Variants in P3H3 observed in about 807,000 individuals in gnomAD.
P3H3 encodes the protein prolyl 3-hydroxylase 3.
In P3H3, 64 loss-of-function variants were observed where a neutral mutation model predicts 78.1. The observed-to-expected ratio is 0.82, with a 90% CI of 0.67 to 1.01. The LOEUF (loss-of-function observed/expected upper bound fraction) is 1.01, where lower values mean the gene tolerates loss of function less well. Ranked by LOEUF, P3H3 falls within the 50% of genes least tolerant of loss-of-function variation. P3H3 has a pLI of 0.00. For synonymous variants in P3H3, 425 were observed against 416.7 expected (o/e 1.02, Z -0.24); for missense variants, 975 against 982.2 (o/e 0.99, Z 0.10).
At chr12:6,833,564 G>A (rs782240438) in intron 6 of P3H3, 28 bp from the exon 7 acceptor site, 1 of 1,611,070 alleles carries the variant, frequency 6.2e-7, no homozygotes, top group East Asian at 2.2e-5. Flanking sequence ...ACCTTGGTGG[G>A]TGATGATGCT....
At chr12:6,834,157 C>G in intron 9 of P3H3, 108 bp downstream of exon 9, 1 of 1,515,984 alleles carries the variant, frequency 6.6e-7, no homozygotes, top group Non-Finnish European at 8.9e-7. Context: ...GATTATCCAA[C>G]CGGGACTGTG....
chr12:6,830,781 GAAGGGTGGAA>G lies in P3H3; in HGVS notation c.985+13_985+22del. ...AGGCCCATGCTCAGGGTCAGTTGGG[GAAGGGTGGAA>G]ACGGGGAGTGAAGATTTGCCTCTGC... is the stretch of plus-strand genomic sequence containing the variant. On this transcript the variant is annotated intron_variant, in intron 4 of 14. Transcript: ENST00000290510. 1 of 1,613,496 alleles carries G rather than the reference GAAGGGTGGAA, an allele frequency of 6.2e-7. No individual in the cohort carries two copies. Among genetic ancestry groups the G allele is most frequent in the Non-Finnish European group, 8.5e-7 (1 of 1,179,396 alleles).
At position 6,828,647 on chromosome 12, in the gene P3H3, G is replaced by A; in HGVS notation, c.207G>A (p.Ala69=). The change falls in exon 1 of 15, where the codon GCG becomes GCA. Residue 69 remains alanine, a synonymous_variant. Transcript: ENST00000290510. The stretch of plus-strand genomic sequence containing the variant: ...GGGAGGCGCTGCGGAGCCAGGCGGC[G>A]CTGGGCCGGGTGCGGCTGGATTGCG... ...LLREALRSQA[A]LGRVRLDCGA... The A allele has an allele frequency of 8.2e-7, 1 of 1,224,584 alleles. No individual in the cohort carries two copies. The highest frequency in any genetic ancestry group is 1.0e-6 in the Non-Finnish European group (1 of 983,376). The allele number at this position is 1,224,584 out of a possible 1,614,324, so 75.9% of individuals were successfully genotyped here.
chr12:6,836,934 G>C, intron 9 of P3H3, 51 bp from the exon 10 acceptor site: 1 of 1,387,936 alleles, frequency 7.2e-7, no homozygotes, highest in African/African-American at 1.4e-5. Context: ...CAGCCCTGCA[G>C]ACAGTGAGGG....
At chr12:6,835,688 G>A (rs1315250286) in intron 9 of P3H3, among the ~76,000 whole-genome samples, 1 of 152,022 alleles carries the variant, frequency 6.6e-6, no homozygotes, top group Non-Finnish European at 1.5e-5. Context: ...AGGGAAAGAG[G>A]GAGAGAGCCC....
intron 11 of P3H3, 66 bp from the exon 12 acceptor site, chr12:6,837,666 T>A (rs1457649907): frequency 6.3e-7 from 1 of 1,583,356 alleles, no homozygotes; most frequent in Non-Finnish European, 8.6e-7. Flanking sequence ...GTGCACGGCC[T>A]GAGCCCACAG....
rs1943422770 is a variant in P3H3, at chr12:6,829,425, AGCC to A, written c.499-429_499-427del. 4.2e-6 allele frequency: 1 copy of A among 237,810 alleles called. No homozygotes were observed. The highest frequency in any genetic ancestry group is 2.3e-5 in the African/African-American group (1 of 42,632). 14.7% of individuals were successfully genotyped at this position (237,810 alleles called of 1,614,324 possible). A position where few individuals can be genotyped will look rare whatever the true frequency, so the allele number is the denominator to read the frequency against. On this transcript the variant is annotated intron_variant, in intron 1 of 14. Transcript: ENST00000290510. The surrounding 1 kb of genome is among the most constrained non-coding windows in gnomAD (Gnocchi z 5.1). Reference sequence around the variant, plus strand: ...GGGCGGGGAGGGGACAGCACGCCGCAGCCGCCGGTACCGCAGCAGTTGCCTACG... The same window carrying A: ...GGGCGGGGAGGGGACAGCACGCCGCAGCCGGTACCGCAGCAGTTGCCTACG...
In P3H3 at chr12:6,828,743, CG is replaced by C; in HGVS notation, c.306del (p.Pro103ArgfsTer23). 1 of 1,245,018 alleles carries C rather than the reference CG, an allele frequency of 8.0e-7. No individual in the cohort carries two copies. Among genetic ancestry groups the C allele is most frequent in the South Asian group, 3.4e-5 (1 of 29,660 alleles). 77.1% of individuals were successfully genotyped at this position (1,245,018 alleles called of 1,614,324 possible). On this transcript the variant is annotated frameshift_variant, in exon 1 of 15. Coordinates refer to ENST00000290510, the MANE Select transcript of P3H3 (RefSeq NM_014262.5). LOFTEE classifies it high-confidence loss of function. The part of the protein sequence containing the change: ...VLLGAPEPDS[G>X]PGPTQGSWER... ...TTCTCGGGGCCCCGGAGCCCGACTC[CG>C]GGCCGGGACCCACGCAGGGGTCCTG... is the stretch of plus-strand genomic sequence containing the variant.
Position 6,829,227 on chromosome 12 carries a change from A to C in P3H3, c.498+289A>C. 2.9e-6 allele frequency: 1 copy of C among 349,022 alleles called. No individual in the cohort carries two copies. The highest frequency in any genetic ancestry group is 5.1e-6 in the Non-Finnish European group (1 of 194,594). The allele number at this position is 349,022 out of a possible 1,614,324, so 21.6% of individuals were successfully genotyped here. On this transcript the variant is annotated intron_variant, in intron 1 of 14. Transcript: ENST00000290510. This position sits in a 1 kb window ranked among gnomAD's most constrained non-coding sequence, Gnocchi z 5.1. ...GGGACAGGGCCGCCTCTTCCTAGGA[A>C]TGAAGCGGAGGCGGTGGGGGCGAAA...
intron 2 of P3H3, 131 bp from the exon 3 acceptor site, chr12:6,830,222 C>A (rs1424814414): frequency 1.9e-6 from 2 of 1,049,226 alleles, no homozygotes; most frequent in Non-Finnish European, 2.8e-6. Context: ...TGAGGCCCAC[C>A]CTTATTCTTC....
rs781890128 is a variant in P3H3, at chr12:6,829,266, G to A, written c.498+328G>A. The A allele has an allele frequency of 4.0e-5, 12 of 302,628 alleles. No homozygotes were observed. The highest frequency in any genetic ancestry group is 7.3e-5 in the Non-Finnish European group (12 of 164,556). The allele number at this position is 302,628 out of a possible 1,614,324, so 18.7% of individuals were successfully genotyped here. A position where few individuals can be genotyped will look rare whatever the true frequency, so the allele number is the denominator to read the frequency against. On this transcript the variant is annotated intron_variant, in intron 1 of 14. Coordinates refer to ENST00000290510, the MANE Select transcript of P3H3 (RefSeq NM_014262.5). This position sits in a 1 kb window ranked among gnomAD's most constrained non-coding sequence, Gnocchi z 5.1. The stretch of plus-strand genomic sequence containing the variant: ...GTGGGGGCGAAACCGGCTCTCGGAC[G>A]GGAAGTGTGCGTGGGTGTGTGTGTG...
rs1555121709 is a variant in P3H3 at position 6,833,620 on chromosome 12, C to A, written c.1241C>A (p.Pro414His). 1 of 1,613,832 alleles carries A rather than the reference C, an allele frequency of 6.2e-7. No individual in the cohort carries two copies. The highest frequency in any genetic ancestry group is 1.3e-5 in the African/African-American group (1 of 74,932). The part of the protein sequence containing the change: ...PDPWTPAALI[P>H]EALREKLRED... The stretch of plus-strand genomic sequence containing the variant: ...CCCTGGACCCCTGCAGCTCTCATCC[C>A]TGAGGCACTTAGAGAAAAGCTCAGG... Residue 414 changes from proline to histidine, a missense_variant, in exon 7 of 15, where the codon CCT becomes CAT. Coordinates refer to ENST00000290510, the MANE Select transcript of P3H3 (RefSeq NM_014262.5).
chr12:6,831,959 G>C lies in P3H3; in HGVS notation c.1212+45G>C, dbSNP rs1555121529. On this transcript the variant is annotated intron_variant, in intron 6 of 14. Coordinates refer to ENST00000290510, the MANE Select transcript of P3H3 (RefSeq NM_014262.5). This position sits in a 1 kb window ranked among gnomAD's most constrained non-coding sequence, Gnocchi z 4.6. ...CCCATCTCACCCCTCCGCACTCCCA[G>C]GAGGGATGGCACTTTGGTTTGCAAC... is the stretch of plus-strand genomic sequence containing the variant. 3 of 1,116,784 alleles carry C rather than the reference G, an allele frequency of 2.7e-6. No homozygotes were observed. In the South Asian group the frequency reaches 4.0e-5, roughly 15 times the overall value. 69.2% of individuals were successfully genotyped at this position (1,116,784 alleles called of 1,614,324 possible).
chr12:6,837,507 T>A lies in P3H3; in HGVS notation c.1645T>A (p.Tyr549Asn). Residue 549 changes from tyrosine (Y) to asparagine (N), a missense_variant, in exon 11 of 15, where the codon TAC (tyrosine) becomes AAC (asparagine). Coordinates refer to ENST00000290510, the MANE Select transcript of P3H3 (RefSeq NM_014262.5). ...SERVRTLTQA[Y>N]FSPERPLHLS... ...GCGGGTGCGGACCTTGACCCAGGCC[T>A]ACTTCTCCCCGGAACGGCCCCTGCA... 1 of 1,611,972 alleles carries A rather than the reference T, an allele frequency of 6.2e-7. No homozygotes were observed. Among genetic ancestry groups the A allele is most frequent in the Non-Finnish European group, 8.5e-7 (1 of 1,179,120 alleles).
In P3H3 at chr12:6,830,307, G is replaced by T; in HGVS notation, c.652-46G>T. On this transcript the variant is annotated intron_variant, in intron 2 of 14. Transcript: ENST00000290510. ...CCCTCTCCTCTCTACCTCCCAGTTT[G>T]GCAACCCCTGGATCTTAGGTGACTG... is the stretch of plus-strand genomic sequence containing the variant. 3 of 1,541,552 alleles carry T rather than the reference G, an allele frequency of 1.9e-6. No individual in the cohort carries two copies. The South Asian group carries it at 3.6e-5, about 18-fold the overall frequency.
At chr12:6,833,386 A>G in intron 6 of P3H3, 1 of 591,304 alleles carries the variant, frequency 1.7e-6, no homozygotes, top group Non-Finnish European at 3.0e-6. Context: ...CCCCTAGCAG[A>G]TAGTAAGTGC....
In P3H3 at chr12:6,828,608, C is replaced by A; in HGVS notation, c.168C>A (p.Ala56=). The A allele has an allele frequency of 8.2e-7, 1 of 1,218,762 alleles. No individual in the cohort carries two copies. Among genetic ancestry groups the A allele is most frequent in the Non-Finnish European group, 1.0e-6 (1 of 979,828 alleles). 75.5% of individuals were successfully genotyped at this position (1,218,762 alleles called of 1,614,324 possible). ...ACGCGGCCGGGGCTTGGGCGCCGGC[C>A]GTGGCGCTGCTGCGGGAGGCGCTGC... ...RAYAAGAWAP[A]VALLREALRS... is the part of the protein sequence containing the mutation. The change falls in exon 1 of 15, where the codon GCC becomes GCA. Residue 56 remains alanine (A), a synonymous_variant. Coordinates refer to ENST00000290510, the MANE Select transcript of P3H3 (RefSeq NM_014262.5).
In P3H3 at chr12:6,838,047, G is replaced by C. The variant is rs782107693; in HGVS notation, c.1905+14G>C. 6.3e-7 allele frequency: 1 copy of C among 1,589,836 alleles called. No homozygotes were observed. Among genetic ancestry groups the C allele is most frequent in the Non-Finnish European group, 8.6e-7 (1 of 1,167,540 alleles). On this transcript the variant is annotated intron_variant, in intron 13 of 14. Coordinates refer to ENST00000290510, the MANE Select transcript of P3H3 (RefSeq NM_014262.5). ...CTCACTGTCACGGTGCGTGGAGTGG[G>C]GGGTGTGACGGTGTGACAAAGGGCC...
chr12:6,831,976 G>C lies in P3H3; in HGVS notation c.1212+62G>C. 1.1e-6 allele frequency: 1 copy of C among 925,098 alleles called. No individual in the cohort carries two copies. Among genetic ancestry groups the C allele is most frequent in the Non-Finnish European group, 1.7e-6 (1 of 585,038 alleles). The allele number at this position is 925,098 out of a possible 1,614,324, so 57.3% of individuals were successfully genotyped here. Reference sequence around the variant, plus strand: ...CACTCCCAGGAGGGATGGCACTTTGGTTTGCAACAGAGTTTTCCATTTTTC... The same window carrying C: ...CACTCCCAGGAGGGATGGCACTTTGCTTTGCAACAGAGTTTTCCATTTTTC... On this transcript the variant is annotated intron_variant, in intron 6 of 14. Coordinates refer to ENST00000290510, the MANE Select transcript of P3H3 (RefSeq NM_014262.5). This position sits in a 1 kb window ranked among gnomAD's most constrained non-coding sequence, Gnocchi z 4.6.
Sources: allele counts gnomAD v4.1 joint callset (sites outside exome capture counted in the v4.1 genomes callset), GRCh38; gene constraint gnomAD v4.1.1; non-coding constraint Gnocchi (gnomAD v3.1); transcripts MANE v1.5; gene names NCBI Gene and HGNC (gene_info 2026-07-23, HGNC 2026-07-21).